DENND5B: variants seen among roughly 807,000 people sequenced by gnomAD.
The protein encoded by DENND5B is DENN domain-containing protein 5B.
DENND5B carries 34 observed loss-of-function variants against 140.6 expected under a neutral mutation model. The observed-to-expected ratio is 0.24, with a 90% CI of 0.18 to 0.32. The LOEUF (loss-of-function observed/expected upper bound fraction) is 0.32, where lower values mean the gene tolerates loss of function less well. Ranked by LOEUF, DENND5B falls within the 10% of genes least tolerant of loss-of-function variation. The pLI, the probability that DENND5B is intolerant of heterozygous loss-of-function variation, is 1.00. For synonymous variants in DENND5B, 551 were observed against 562.1 expected, an observed-to-expected ratio of 0.98 and a Z score of 0.28; for missense variants, 1,142 against 1,560.2, an observed-to-expected ratio of 0.73 and a Z score of 4.52.
In DENND5B at chr12:31,536,004, T is replaced by G. The variant is rs567567028; in HGVS notation, c.128-40085A>C. On this transcript the variant is annotated intron_variant, in intron 1 of 20. Transcript: ENST00000389082. ...GGTACTGTTCCTCCTGATAGTGAGT[T>G]ATCGCAAGATCTGGTTGTTTAGAAG... 3.9e-5 allele frequency among the ~76,000 whole-genome samples: 6 copies of G among 152,178 alleles called. No individual in the cohort carries two copies. In the East Asian group the frequency reaches 1.2e-3, roughly 29 times the overall value.
intron 1 of DENND5B, among the ~76,000 whole-genome samples, chr12:31,525,843 A>T (rs1348227102): frequency 2.6e-5 from 4 of 152,064 alleles, no homozygotes; most frequent in African/African-American, 9.7e-5. Context: ...AAATATAAAA[A>T]TTGGCCAGGT....
At position 31,424,602 on chromosome 12, in the gene DENND5B, T is replaced by A. The variant is rs1943155278; in HGVS notation, c.2324A>T (p.Asn775Ile). ...GEANITGLEENTLIASLCDLL... is the reference protein window; with the variant it reads ...GEANITGLEEITLIASLCDLL... ...GTCACAAAGGCTGGCGATCAAGGTGTTCTCCTCCAGGCCGGTGATGTTTGC... is the reference window on the plus strand; with the variant it reads ...GTCACAAAGGCTGGCGATCAAGGTGATCTCCTCCAGGCCGGTGATGTTTGC... The change falls in exon 10 of 21, where the codon AAC becomes ATC. Residue 775 changes from asparagine to isoleucine, a missense_variant. This residue lies in a region of DENND5B where 33 missense variants were observed against 90.8 expected (regional missense o/e 0.36). Coordinates refer to ENST00000389082, the MANE Select transcript of DENND5B (RefSeq NM_144973.4). The A allele has an allele frequency of 6.2e-7, 1 of 1,613,950 alleles. No individual in the cohort carries two copies. The highest frequency in any genetic ancestry group is 8.5e-7 in the Non-Finnish European group (1 of 1,179,890).
chr12:31,431,502 A>T (rs778799669), intron 8 of DENND5B, among the ~76,000 whole-genome samples: 9 of 152,174 alleles, frequency 5.9e-5, no homozygotes, highest in Non-Finnish European at 1.2e-4. Flanking sequence ...CTCTGGGCTA[A>T]TCTCTTGGAC....
chr12:31,483,093 T>C (rs1261438313), intron 2 of DENND5B, among the ~76,000 whole-genome samples: 1 of 152,210 alleles, frequency 6.6e-6, no homozygotes, highest in Non-Finnish European at 1.5e-5. Context: ...GCAGCTTTCT[T>C]CCCCTTGGTA....
intron 7 of DENND5B, among the ~76,000 whole-genome samples, chr12:31,433,915 A>C (rs1943629836): frequency 1.3e-5 from 2 of 152,178 alleles, no homozygotes; most frequent in Non-Finnish European, 2.9e-5. Flanking sequence ...AGATAATTTG[A>C]GCCCAGGAGT....
At chr12:31,423,575 T>C in intron 11 of DENND5B, 22 bp downstream of exon 11, 1 of 1,612,572 alleles carries the variant, frequency 6.2e-7, no homozygotes, top group Non-Finnish European at 8.5e-7. Context: ...GTGCTGCTAG[T>C]TCTTTACCAA....
chr12:31,494,330 AC>A (rs1946680703), intron 2 of DENND5B, among the ~76,000 whole-genome samples: 1 of 150,806 alleles, frequency 6.6e-6, no homozygotes, highest in African/African-American at 2.4e-5. Context: ...CACTGCCTCA[AC>A]CTCCTGAGTA....
At chr12:31,546,846 T>A (rs1240516362) in intron 1 of DENND5B, among the ~76,000 whole-genome samples, 1 of 152,242 alleles carries the variant, frequency 6.6e-6, no homozygotes, top group Non-Finnish European at 1.5e-5. Context: ...TAATATTTGT[T>A]TGATACATTC....
chr12:31,579,092 G>GC (rs1950120021), intron 1 of DENND5B, among the ~76,000 whole-genome samples: 1 of 152,122 alleles, frequency 6.6e-6, no homozygotes, highest in Non-Finnish European at 1.5e-5. Context: ...TTAGCTTTCT[G>GC]CATGAGTGAT....
chr12:31,499,614 G>T, intron 1 of DENND5B: 2 of 1,493,368 alleles, frequency 1.3e-6, no homozygotes, highest in African/African-American at 1.4e-5. Context: ...ACCTGAAGTC[G>T]TATTTGCAGC....
chr12:31,549,376 T>A (rs1948963485), intron 1 of DENND5B, among the ~76,000 whole-genome samples: 1 of 152,110 alleles, frequency 6.6e-6, no homozygotes, highest in African/African-American at 2.4e-5. Flanking sequence ...GCATAAAACT[T>A]AAGGTTACAA....
intron 1 of DENND5B, among the ~76,000 whole-genome samples, chr12:31,529,069 GGGTGAATTGCTTGAACTCGGGAGGCGGA>G (rs1948188287): frequency 3.3e-5 from 5 of 151,616 alleles, no homozygotes; most frequent in Admixed American, 3.3e-4. Flanking sequence ...AGCTAAGGTA[GGGTGAATTGCTTGAACTCGGGAGGCGGA>G]GGTTGCAGTG....
chr12:31,406,706 A>C (rs1008201963), intron 14 of DENND5B, among the ~76,000 whole-genome samples: 5 of 152,200 alleles, frequency 3.3e-5, no homozygotes, highest in Non-Finnish European at 7.4e-5. Context: ...TAAATTTAAA[A>C]ATTTCTTTCA....
chr12:31,399,828 A>C, intron 15 of DENND5B, 56 bp from the exon 16 acceptor site: 101 of 1,344,962 alleles, frequency 7.5e-5, no homozygotes, highest in Non-Finnish European at 9.6e-5. Context: ...GTTACATCTC[A>C]GCTTTACAGG....
At position 31,382,876 on chromosome 12, in the gene DENND5B, T is replaced by G. The variant is rs887175665; in HGVS notation, c.*4727A>C. The G allele has an allele frequency of 5.3e-5, 8 of 152,164 alleles. No individual in the cohort carries two copies. Among genetic ancestry groups the G allele is most frequent in the African/African-American group, 1.7e-4 (7 of 41,456 alleles). 9.4% of individuals were successfully genotyped at this position (152,164 alleles called of 1,614,324 possible). The stretch of plus-strand genomic sequence containing the variant: ...GCAACCTCTTCAAAAAGCTTAGAAT[T>G]CAGTTGATTCAAGGGATTTATAAAT... On this transcript the variant is annotated 3_prime_UTR_variant, in exon 21 of 21. Coordinates refer to ENST00000389082, the MANE Select transcript of DENND5B (RefSeq NM_144973.4).
At chr12:31,391,757 C>CTTG (rs1464515837) in intron 19 of DENND5B, among the ~76,000 whole-genome samples, 1 of 152,080 alleles carries the variant, frequency 6.6e-6, no homozygotes, top group Non-Finnish European at 1.5e-5. Flanking sequence ...GGCTCCTGGG[C>CTTG]TCAAGCGATT....
chr12:31,498,713 C>A (rs1479565069), intron 1 of DENND5B, among the ~76,000 whole-genome samples: 1 of 152,064 alleles, frequency 6.6e-6, no homozygotes, highest in Non-Finnish European at 1.5e-5. Flanking sequence ...TGGCTCATGC[C>A]TGTAATCCTA....
intron 14 of DENND5B, among the ~76,000 whole-genome samples, chr12:31,406,419 T>C (rs939023861): frequency 2.0e-5 from 3 of 152,222 alleles, no homozygotes; most frequent in Non-Finnish European, 4.4e-5. Flanking sequence ...TCTCCCTTTG[T>C]GTCCTTTTAT....
intron 8 of DENND5B, among the ~76,000 whole-genome samples, chr12:31,429,620 G>T (rs1943418948): frequency 6.6e-6 from 1 of 151,758 alleles, no homozygotes; most frequent in Non-Finnish European, 1.5e-5. Context: ...TGTTGGCCAG[G>T]CTGGTCTCAA....
Sources: gnomAD v4.1 joint callset for allele counts (sites outside exome capture counted in the v4.1 genomes callset) on GRCh38, gnomAD v4.1.1 for gene constraint, gnomAD v4.1.1 regional missense constraint, MANE v1.5 for transcripts, NCBI Gene and HGNC (gene_info 2026-07-23, HGNC 2026-07-21) for gene names.